SGCZ: variants seen among roughly 807,000 people sequenced by gnomAD.
SGCZ encodes the protein zeta-sarcoglycan.
SGCZ carries 40 observed loss-of-function variants against 41.3 expected under a neutral mutation model. The observed-to-expected ratio is 0.97, with a 90% CI of 0.75 to 1.26. SGCZ has a LOEUF of 1.26. Among genes scored for constraint, SGCZ ranks in the 50% most tolerant of loss-of-function variants. The pLI, the probability that SGCZ is intolerant of heterozygous loss-of-function variation, is 0.00. For missense variants in SGCZ, 552 were observed against 369.8 expected, an observed-to-expected ratio of 1.49 and a Z score of -4.04; for synonymous variants, 206 against 137.5, an observed-to-expected ratio of 1.50 and a Z score of -3.49.
At chr8:15,222,800 G>GGT (rs757664022) in intron 1 of SGCZ, among the ~76,000 whole-genome samples, 8 of 150,608 alleles carry the variant, frequency 5.3e-5, no homozygotes, top group Non-Finnish European at 7.4e-5. Flanking sequence ...TGCATGTGTG[G>GGT]GTGTGTGTGT....
At chr8:14,096,853 A>G (rs1367889607) in intron 7 of SGCZ, among the ~76,000 whole-genome samples, 1 of 152,128 alleles carries the variant, frequency 6.6e-6, no homozygotes, top group Non-Finnish European at 1.5e-5. Context: ...GTGTCCAGGA[A>G]TTTATCCATT....
intron 1 of SGCZ, among the ~76,000 whole-genome samples, chr8:15,008,262 G>A (rs1214211742): frequency 6.6e-6 from 1 of 151,884 alleles, no homozygotes; most frequent in African/African-American, 2.4e-5. Flanking sequence ...AATTCGTAGG[G>A]CCTTCCTATT....
At chr8:14,268,446 A>G (rs968860128) in intron 3 of SGCZ, among the ~76,000 whole-genome samples, 52 of 151,484 alleles carry the variant, frequency 3.4e-4, no homozygotes, top group African/African-American at 1.0e-3. Flanking sequence ...AATCTGTCTC[A>G]CTGGCATTCA....
chr8:14,188,081 T>C (rs1235172417), intron 4 of SGCZ, among the ~76,000 whole-genome samples: 1 of 152,194 alleles, frequency 6.6e-6, no homozygotes, highest in Non-Finnish European at 1.5e-5. Flanking sequence ...AAGAGTTCTA[T>C]AGGCAGCAAA....
In SGCZ at chr8:14,319,642, G is replaced by A. The variant is rs867618202; in HGVS notation, c.336+4461C>T. 5 of 152,138 alleles carry A rather than the reference G, an allele frequency of 3.3e-5. No homozygotes were observed. The Middle Eastern group carries it at 0.01, about 310-fold the overall frequency. 9.4% of individuals were successfully genotyped at this position (152,138 alleles called of 1,614,324 possible). ...CCATAATATAAAGAAGACCACAGAC[G>A]ATGAGTAACTGTAGCCATTTATATG... On this transcript the variant is annotated intron_variant, in intron 3 of 7. Transcript: ENST00000382080.
At chr8:14,889,073 G>C (rs911518026) in intron 1 of SGCZ, among the ~76,000 whole-genome samples, 4 of 152,134 alleles carry the variant, frequency 2.6e-5, no homozygotes, top group Admixed American at 1.3e-4. Context: ...TCCTTAGAAT[G>C]GTTATAATTG....
chr8:14,554,774 T>A lies in SGCZ; in HGVS notation c.192A>T (p.Leu64Phe). ...CTTTCAATATCCATATTGTCATGGC[T>A]AAGTTAACTATCATGGTAACCAACA... The part of the protein sequence containing the change: ...LLLLVTMIVN[L>F]AMTIWILKVM... The change falls in exon 2 of 8, where the codon TTA becomes TTT. Residue 64 changes from leucine (L) to phenylalanine (F), a missense_variant. Leu to Phe is a conservative substitution (Grantham distance 22). Coordinates refer to ENST00000382080, the MANE Select transcript of SGCZ (RefSeq NM_139167.4). 6.2e-7 allele frequency: 1 copy of A among 1,613,092 alleles called. No homozygotes were observed. The highest frequency in any genetic ancestry group is 1.1e-5 in the South Asian group (1 of 91,040).
intron 1 of SGCZ, among the ~76,000 whole-genome samples, chr8:14,689,021 A>G (rs1437980620): frequency 6.6e-6 from 1 of 152,194 alleles, no homozygotes; most frequent in Admixed American, 6.5e-5. Flanking sequence ...AAAAAATTTT[A>G]AAGCAAGCAC....
intron 1 of SGCZ, among the ~76,000 whole-genome samples, chr8:15,144,434 T>C (rs1798981080): frequency 6.6e-6 from 1 of 152,164 alleles, no homozygotes; most frequent in African/African-American, 2.4e-5. Context: ...TCAGAAGTAG[T>C]TCTATACAGT....
chr8:14,781,674 T>A (rs1800592188), intron 1 of SGCZ, among the ~76,000 whole-genome samples: 1 of 152,198 alleles, frequency 6.6e-6, no homozygotes, highest in Admixed American at 6.5e-5. Context: ...GTTCCTCAAC[T>A]TGTGATGGAG....
At chr8:14,397,975 G>T (rs769493184) in intron 2 of SGCZ, among the ~76,000 whole-genome samples, 1 of 152,114 alleles carries the variant, frequency 6.6e-6, no homozygotes. Flanking sequence ...TCCCTTGAAC[G>T]ATGGAATTTT....
intron 2 of SGCZ, among the ~76,000 whole-genome samples, chr8:14,391,208 A>C (rs560597661): frequency 4.5e-4 from 69 of 152,242 alleles, no homozygotes; most frequent in African/African-American, 1.6e-3. Context: ...GGCCAAACAA[A>C]ATGATCTTCT....
intron 1 of SGCZ, among the ~76,000 whole-genome samples, chr8:15,119,313 T>C (rs2116946724): frequency 6.6e-6 from 1 of 152,144 alleles, no homozygotes; most frequent in Middle Eastern, 3.4e-3. Flanking sequence ...GGTGGATCAC[T>C]TGAGCTCAGC....
chr8:15,097,720 G>A (rs936848848), intron 1 of SGCZ, among the ~76,000 whole-genome samples: 1 of 134,194 alleles, frequency 7.5e-6, no homozygotes, highest in Admixed American at 7.9e-5. Flanking sequence ...CAGAGTGAGA[G>A]CTTATAAAAA....
chr8:14,442,651 T>C (rs1391230201), intron 2 of SGCZ, among the ~76,000 whole-genome samples: 1 of 152,194 alleles, frequency 6.6e-6, no homozygotes. Flanking sequence ...CTTTCTGCTT[T>C]AATCCAACCC....
rs182142305 is a variant in SGCZ at position 14,581,460 on chromosome 8, T to C, written c.40-26534A>G. On this transcript the variant is annotated intron_variant, in intron 1 of 7. Coordinates refer to ENST00000382080, the MANE Select transcript of SGCZ (RefSeq NM_139167.4). ...TTGTTTGTTTTTTTGTTTTTTTTTTTCCCCCACAGTGCTCAATGTGCATTA... is the reference window on the plus strand; with the variant it reads ...TTGTTTGTTTTTTTGTTTTTTTTTTCCCCCCACAGTGCTCAATGTGCATTA... Among the ~76,000 whole-genome samples the C allele has an allele frequency of 3.4e-3, 516 of 151,466 alleles. 5 individuals carry two copies. The highest frequency in any genetic ancestry group is 3.9e-3 in the Non-Finnish European group (263 of 67,866).
chr8:14,729,675 TC>T lies in SGCZ; in HGVS notation c.40-174750del, dbSNP rs1810168252. On this transcript the variant is annotated intron_variant, in intron 1 of 7. Coordinates refer to ENST00000382080, the MANE Select transcript of SGCZ (RefSeq NM_139167.4). The stretch of plus-strand genomic sequence containing the variant: ...ATCAATCAATCAATCAATCAATCAA[TC>T]AATCTGTTGTTTAAGTAACCTAGTC... Among the ~76,000 whole-genome samples the T allele has an allele frequency of 3.3e-5, 5 of 152,022 alleles. No homozygotes were observed. The South Asian group carries it at 1.0e-3, about 31-fold the overall frequency.
At chr8:14,273,675 C>G (rs950824064) in intron 3 of SGCZ, among the ~76,000 whole-genome samples, 1 of 152,116 alleles carries the variant, frequency 6.6e-6, no homozygotes, top group African/African-American at 2.4e-5. Context: ...TACATTTAAA[C>G]TACTGCTATG....
At chr8:14,713,895 C>T (rs764288459) in intron 1 of SGCZ, among the ~76,000 whole-genome samples, 26 of 152,052 alleles carry the variant, frequency 1.7e-4, no homozygotes, top group Non-Finnish European at 3.5e-4. Flanking sequence ...CCTTAACTTA[C>T]GATATTTTTT....
Sources: gnomAD v4.1 joint callset for allele counts (sites outside exome capture counted in the v4.1 genomes callset) on GRCh38, gnomAD v4.1.1 for gene constraint, MANE v1.5 for transcripts, NCBI Gene and HGNC (gene_info 2026-07-23, HGNC 2026-07-21) for gene names.